Variants in DIPK1A observed in about 807,000 individuals in gnomAD.
DIPK1A encodes family with sequence similarity 69 member A.
A neutral mutation model predicts 40.8 loss-of-function variants in DIPK1A; 27 were observed. The ratio of observed to expected loss-of-function variants is 0.66; its 90% CI spans 0.49 to 0.91. The LOEUF is 0.91. Among genes scored for constraint, DIPK1A ranks in the 40% least tolerant of loss-of-function variants. The probability of loss-of-function intolerance (pLI) is 0.00; values close to 1 mark genes in which losing one functional copy is unlikely to be tolerated. For missense variants in DIPK1A, 412 were observed against 505.7 expected, an observed-to-expected ratio of 0.81 and a Z score of 1.78; for synonymous variants, 166 against 171.3, an observed-to-expected ratio of 0.97 and a Z score of 0.24.
intron 1 of DIPK1A, among the ~76,000 whole-genome samples, chr1:92,929,161 A>G (rs945916250): frequency 3.0e-4 from 46 of 152,166 alleles, no homozygotes; most frequent in African/African-American, 1.1e-3. Flanking sequence ...GAACGTGGTA[A>G]CATTTTCCTG....
chr1:92,930,359 G>A (rs1296081159), intron 1 of DIPK1A, among the ~76,000 whole-genome samples: 2 of 152,008 alleles, frequency 1.3e-5, no homozygotes, highest in Non-Finnish European at 2.9e-5. Flanking sequence ...CTGAGTTTGA[G>A]TTTTCTTGTC....
intron 1 of DIPK1A, among the ~76,000 whole-genome samples, chr1:92,905,670 T>C (rs1308217640): frequency 1.3e-5 from 2 of 152,158 alleles, no homozygotes; most frequent in Non-Finnish European, 2.9e-5. Flanking sequence ...GCCTGTACTT[T>C]AGGGTATTAA....
Position 92,888,456 on chromosome 1 carries a change from C to T in DIPK1A, c.55-12026G>A, listed in dbSNP as rs577322963. ...TGTTGATGAACACTTAGGTTTATTC[C>T]ATATCTTGGCTATTGTGAATAGTGC... On this transcript the variant is annotated intron_variant, in intron 1 of 4. Coordinates refer to ENST00000370310, the MANE Select transcript of DIPK1A (RefSeq NM_001006605.5). Among the ~76,000 whole-genome samples the T allele has an allele frequency of 8.3e-4, 127 of 152,142 alleles. 1 individual carries two copies. Among genetic ancestry groups the T allele is most frequent in the Non-Finnish European group, 1.6e-3 (107 of 67,986 alleles).
intron 1 of DIPK1A, among the ~76,000 whole-genome samples, chr1:92,946,443 C>T (rs1350592440): frequency 6.6e-6 from 1 of 151,860 alleles, no homozygotes; most frequent in Non-Finnish European, 1.5e-5. Context: ...CATGTCCCTT[C>T]TAAAAAAGGG....
chr1:92,862,994 T>C (rs1292932813), intron 2 of DIPK1A, among the ~76,000 whole-genome samples: 1 of 152,220 alleles, frequency 6.6e-6, no homozygotes, highest in Non-Finnish European at 1.5e-5. Context: ...GCTGAAAAAT[T>C]ATTGTTGTTT....
chr1:92,844,262 C>T, intron 4 of DIPK1A, 67 bp from the exon 5 acceptor site: 1 of 973,588 alleles, frequency 1.0e-6, no homozygotes, highest in Admixed American at 2.6e-5. Flanking sequence ...TACTAAGTTT[C>T]TTTACGGGCA....
At chr1:92,846,813 A>ATGTGTGTGTG (rs1157383975) in intron 4 of DIPK1A, among the ~76,000 whole-genome samples, 1 of 3,650 alleles carries the variant, frequency 2.7e-4, no homozygotes, top group African/African-American at 1.9e-3. Flanking sequence ...ATATATATAT[A>ATGTGTGTGTG]TATATATATA....
rs1460040795 is a variant in DIPK1A, at chr1:92,959,902, ACTTTTTTT to A, written c.54+1466_54+1473del. On this transcript the variant is annotated intron_variant, in intron 1 of 4. Transcript: ENST00000370310. ...AGCTGGGACCACAGGCACCCAACCAACTTTTTTTTTTTTTTTTTTTTTTTTGTATTTTT... is the reference window on the plus strand; with the variant it reads ...AGCTGGGACCACAGGCACCCAACCAATTTTTTTTTTTTTTTTTGTATTTTT... Among the ~76,000 whole-genome samples, 30 of 43,104 alleles carry A rather than the reference ACTTTTTTT, an allele frequency of 7.0e-4. 1 individual carries two copies. The highest frequency in any genetic ancestry group is 2.7e-3 in the Admixed American group (10 of 3,744). The allele number at this position is 43,104 out of a possible 152,430, so 28.3% of individuals were successfully genotyped here.
At chr1:92,960,721 T>TA (rs1349153837) in intron 1 of DIPK1A, among the ~76,000 whole-genome samples, 9 of 152,194 alleles carry the variant, frequency 5.9e-5, no homozygotes, top group Non-Finnish European at 1.0e-4. Context: ...CCCTTTCCTT[T>TA]AAAAAGCAAA....
chr1:92,850,794 T>A, intron 3 of DIPK1A, 54 bp downstream of exon 3: 2 of 1,100,638 alleles, frequency 1.8e-6, no homozygotes, highest in Non-Finnish European at 1.3e-6. Context: ...CTTTAATTTC[T>A]GGTAAAATTA....
intron 1 of DIPK1A, among the ~76,000 whole-genome samples, chr1:92,914,235 T>C (rs1490925292): frequency 6.6e-6 from 1 of 151,140 alleles, no homozygotes; most frequent in Non-Finnish European, 1.5e-5. Flanking sequence ...TAACGAGCAT[T>C]AAAGGAAAGA....
At chr1:92,908,267 T>A (rs901700356) in intron 1 of DIPK1A, among the ~76,000 whole-genome samples, 4 of 152,018 alleles carry the variant, frequency 2.6e-5, no homozygotes, top group African/African-American at 9.7e-5. Context: ...GTAGTCGTCA[T>A]CACCTGAGGA....
intron 2 of DIPK1A, among the ~76,000 whole-genome samples, chr1:92,864,797 G>A (rs1001883529): frequency 4.6e-5 from 7 of 151,786 alleles, no homozygotes; most frequent in Non-Finnish European, 8.8e-5. Context: ...CCTAGCACTC[G>A]GGAAGGCCAA....
intron 1 of DIPK1A, among the ~76,000 whole-genome samples, chr1:92,897,442 T>A (rs963860603): frequency 4.0e-5 from 6 of 149,740 alleles, no homozygotes; most frequent in African/African-American, 1.2e-4. Context: ...CACTCATAGG[T>A]GGGAATTGAA....
At chr1:92,904,800 G>A (rs551432349) in intron 1 of DIPK1A, among the ~76,000 whole-genome samples, 10 of 150,434 alleles carry the variant, frequency 6.6e-5, no homozygotes, top group Non-Finnish European at 1.3e-4. Context: ...CCCACTTCCC[G>A]TCCACCCCAC....
At position 92,920,270 on chromosome 1, in the gene DIPK1A, C is replaced by G. The variant is rs543931329; in HGVS notation, c.54+41106G>C. Among the ~76,000 whole-genome samples, 3 of 152,312 alleles carry G rather than the reference C, an allele frequency of 2.0e-5. 1 individual carries two copies. The highest frequency in any genetic ancestry group is 3.9e-4 in the East Asian group (2 of 5,192). On this transcript the variant is annotated intron_variant, in intron 1 of 4. Transcript: ENST00000370310. ...AAATGAATAATGGGGGCAGTTTCCC[C>G]TATACTGTTCTCATGGTAGTGAATA...
At position 92,914,228 on chromosome 1, in the gene DIPK1A, C is replaced by A. The variant is rs189097158; in HGVS notation, c.55-37798G>T. ...ACATCTGTCAGATGAATTGGATTAA[C>A]GAGCATTAAAGGAAAGAAAACATTT... On this transcript the variant is annotated intron_variant, in intron 1 of 4. Coordinates refer to ENST00000370310, the MANE Select transcript of DIPK1A (RefSeq NM_001006605.5). Among the ~76,000 whole-genome samples, 4 of 150,428 alleles carry A rather than the reference C, an allele frequency of 2.7e-5. No homozygotes were observed. In the East Asian group the frequency reaches 7.8e-4, roughly 29 times the overall value.
chr1:92,938,175 G>A (rs1651015127), intron 1 of DIPK1A, among the ~76,000 whole-genome samples: 1 of 151,694 alleles, frequency 6.6e-6, no homozygotes, highest in Non-Finnish European at 1.5e-5. Context: ...AGGAGGCTGA[G>A]CCAGAAGAAT....
intron 1 of DIPK1A, chr1:92,876,890 A>T (rs1648154997): frequency 1.5e-6 from 1 of 661,542 alleles, no homozygotes. Context: ...CTATTTGTCT[A>T]ATGTCTCATA....
Sources: gnomAD v4.1 joint callset for allele counts (sites outside exome capture counted in the v4.1 genomes callset) on GRCh38, gnomAD v4.1.1 for gene constraint, MANE v1.5 for transcripts, NCBI Gene and HGNC (gene_info 2026-07-23, HGNC 2026-07-21) for gene names.